CALCRL: variants seen among roughly 807,000 people sequenced by gnomAD.
The protein encoded by CALCRL is calcitonin receptor like receptor, also known as calcitonin gene-related peptide type 1 receptor.
In CALCRL, 27 loss-of-function variants were observed where a neutral mutation model predicts 60.4. The ratio of observed to expected loss-of-function variants is 0.45; its 90% confidence interval spans 0.33 to 0.62. The LOEUF (loss-of-function observed/expected upper bound fraction) is 0.62, where lower values mean the gene tolerates loss of function less well. CALCRL is among the 20% of genes least tolerant of loss of function. The pLI, the probability that CALCRL is intolerant of heterozygous loss-of-function variation, is 0.03. For synonymous variants in CALCRL, 190 were observed against 182.6 expected, an observed-to-expected ratio of 1.04 and a Z score of -0.33; for missense variants, 424 against 540.7, an observed-to-expected ratio of 0.78 and a Z score of 2.14.
intron 1 of CALCRL, among the ~76,000 whole-genome samples, chr2:187,446,334 A>G (rs1261363464): frequency 6.6e-6 from 1 of 151,734 alleles, no homozygotes; most frequent in African/African-American, 2.4e-5. Context: ...TTATGTCCTC[A>G]AATATTTCCT....
chr2:187,390,302 A>G (rs1187719129), intron 1 of CALCRL, among the ~76,000 whole-genome samples: 1 of 152,170 alleles, frequency 6.6e-6, no homozygotes, highest in Non-Finnish European at 1.5e-5. Flanking sequence ...TTCTGAATAA[A>G]AGTATATATA....
rs566638238 is a variant in CALCRL, at chr2:187,372,773, A to G, written c.500+6167T>C. Among the ~76,000 whole-genome samples, 4 of 152,306 alleles carry G rather than the reference A, an allele frequency of 2.6e-5. No individual in the cohort carries two copies. In the South Asian group the frequency reaches 8.3e-4, roughly 32 times the overall value. On this transcript the variant is annotated intron_variant, in intron 8 of 14. Coordinates refer to ENST00000392370, the MANE Select transcript of CALCRL (RefSeq NM_005795.6). ...AAGGATCTGCTAATAGTATTTTTAT[A>G]CACAGTGAATGATTTTATGTGAAAC...
At chr2:187,422,440 T>C (rs1294655640) in intron 1 of CALCRL, among the ~76,000 whole-genome samples, 1 of 152,112 alleles carries the variant, frequency 6.6e-6, no homozygotes, top group African/African-American at 2.4e-5. Flanking sequence ...AATTAGAAAA[T>C]AACTTGACTA....
chr2:187,411,768 G>A (rs1420644633), intron 1 of CALCRL, among the ~76,000 whole-genome samples: 8 of 151,650 alleles, frequency 5.3e-5, no homozygotes, highest in South Asian at 2.1e-4. Flanking sequence ...AGGCTGAGGC[G>A]GGCGGATCAC....
chr2:187,406,037 G>A (rs747243206), intron 1 of CALCRL, among the ~76,000 whole-genome samples: 21 of 150,496 alleles, frequency 1.4e-4, no homozygotes, highest in Admixed American at 4.7e-4. Context: ...ACAAACCAAT[G>A]TTGTGTCTGT....
At chr2:187,364,161 G>C (rs191017481) in intron 8 of CALCRL, among the ~76,000 whole-genome samples, 2 of 138,462 alleles carry the variant, frequency 1.4e-5, no homozygotes, top group Non-Finnish European at 3.1e-5. Flanking sequence ...ACAAAAGAGA[G>C]TTCACTGTGT....
intron 8 of CALCRL, among the ~76,000 whole-genome samples, chr2:187,364,070 T>C (rs1321278192): frequency 6.6e-6 from 1 of 152,194 alleles, no homozygotes; most frequent in African/African-American, 2.4e-5. Context: ...TTTGCACAGC[T>C]TTACTGAATT....
intron 1 of CALCRL, among the ~76,000 whole-genome samples, chr2:187,404,574 C>T (rs934788506): frequency 1.3e-5 from 2 of 151,186 alleles, no homozygotes; most frequent in African/African-American, 4.9e-5. Context: ...AAATGAATCC[C>T]ATGCACTGCT....
At chr2:187,374,097 G>A (rs542786777) in intron 8 of CALCRL, among the ~76,000 whole-genome samples, 34 of 152,214 alleles carry the variant, frequency 2.2e-4, no homozygotes, top group Non-Finnish European at 4.4e-4. Flanking sequence ...GAGCCCAGGC[G>A]TTTGAAGCTG....
chr2:187,446,672 C>T (rs190571949), intron 1 of CALCRL, among the ~76,000 whole-genome samples: 87 of 151,882 alleles, frequency 5.7e-4, no homozygotes, highest in African/African-American at 1.9e-3. Context: ...GCTAAAGTCA[C>T]ATTCTAAAAA....
chr2:187,345,479 T>C lies in CALCRL; in HGVS notation c.*705A>G, dbSNP rs185098690. On this transcript the variant is annotated 3_prime_UTR_variant, in exon 15 of 15. Transcript: ENST00000392370. ...CAACTAAGATGTTTTCCTAATGATA[T>C]AGAAGTAGGATTGCATATTATACAT... 1.3e-4 allele frequency: 20 copies of C among 152,308 alleles called. No homozygotes were observed. The highest frequency in any genetic ancestry group is 4.6e-4 in the African/African-American group (19 of 41,492). 9.4% of individuals were successfully genotyped at this position (152,308 alleles called of 1,614,324 possible). A position where few individuals can be genotyped will look rare whatever the true frequency, so the allele number is the denominator to read the frequency against.
intron 8 of CALCRL, among the ~76,000 whole-genome samples, chr2:187,374,425 T>C (rs958600909): frequency 6.7e-6 from 1 of 149,796 alleles, no homozygotes; most frequent in Non-Finnish European, 1.5e-5. Context: ...ATCTTGAAAA[T>C]GTTAATTAAT....
Position 187,445,775 on chromosome 2 carries a change from A to G in CALCRL, c.-293+2264T>C, listed in dbSNP as rs992379620. ...AATAGTATAATATGTGCAGGTGAAC[A>G]TAAATATTCTTACAAATATGCTAAG... On this transcript the variant is annotated intron_variant, in intron 1 of 14. Transcript: ENST00000392370. Among the ~76,000 whole-genome samples, 3 of 151,584 alleles carry G rather than the reference A, an allele frequency of 2.0e-5. No homozygotes were observed. The East Asian group carries it at 5.8e-4, about 29-fold the overall frequency.
chr2:187,410,485 A>G (rs1207477782), intron 1 of CALCRL, among the ~76,000 whole-genome samples: 1 of 152,140 alleles, frequency 6.6e-6, no homozygotes, highest in African/African-American at 2.4e-5. Flanking sequence ...AGGGAGCTGT[A>G]TTCTGTAAAC....
intron 8 of CALCRL, among the ~76,000 whole-genome samples, chr2:187,375,638 A>T (rs997023729): frequency 3.9e-5 from 6 of 152,288 alleles, no homozygotes; most frequent in African/African-American, 1.2e-4. Context: ...TTTTCTAAAA[A>T]ATTGGCCTAT....
intron 12 of CALCRL, among the ~76,000 whole-genome samples, chr2:187,356,618 A>G (rs1403373095): frequency 1.3e-5 from 2 of 152,156 alleles, no homozygotes; most frequent in African/African-American, 4.8e-5. Flanking sequence ...TGACTAAAAC[A>G]CTAAGAGCAA....
chr2:187,399,653 A>G (rs765959886), intron 1 of CALCRL, among the ~76,000 whole-genome samples: 38 of 151,616 alleles, frequency 2.5e-4, no homozygotes, highest in Non-Finnish European at 5.2e-4. Flanking sequence ...AATAATAAAA[A>G]GAAAAACAAC....
intron 1 of CALCRL, among the ~76,000 whole-genome samples, chr2:187,429,207 T>G (rs1315357400): frequency 1.3e-5 from 2 of 151,906 alleles, no homozygotes; most frequent in African/African-American, 4.8e-5. Flanking sequence ...TTCTTACCCA[T>G]CTGTCAAGTT....
intron 8 of CALCRL, among the ~76,000 whole-genome samples, chr2:187,367,610 A>G: frequency 6.6e-6 from 1 of 152,076 alleles, no homozygotes; most frequent in East Asian, 1.9e-4. Flanking sequence ...ATATTTGTAT[A>G]TTTTTTCAAA....
Sources: gnomAD v4.1 joint callset for allele counts (sites outside exome capture counted in the v4.1 genomes callset) on GRCh38, gnomAD v4.1.1 for gene constraint, MANE v1.5 for transcripts, NCBI Gene and HGNC (gene_info 2026-07-23, HGNC 2026-07-21) for gene names.